The following PRKN variants were observed in gnomAD, a reference collection of about 807,000 sequenced individuals.
PRKN encodes the protein E3 ubiquitin-protein ligase parkin.
Under a neutral mutation model 59.5 loss-of-function variants are expected in PRKN, and 56 were observed. The observed-to-expected ratio is 0.94, with a 90% CI of 0.76 to 1.18. The LOEUF (loss-of-function observed/expected upper bound fraction) is 1.18, where lower values mean the gene tolerates loss of function less well. Ranked by LOEUF, PRKN falls within the 50% of genes most tolerant of loss-of-function variation. The pLI, the probability that PRKN is intolerant of heterozygous loss-of-function variation, is 0.00. For missense variants in PRKN, 657 were observed against 596.4 expected (o/e 1.10, Z -1.06); for synonymous variants, 250 against 222.1 (o/e 1.13, Z -1.12).
At chr6:161,422,197 C>CTTT (rs527857631) in intron 9 of PRKN, among the ~76,000 whole-genome samples, 11 of 130,072 alleles carry the variant, frequency 8.5e-5, no homozygotes, top group African/African-American at 1.5e-4. Context: ...CAAATAAAAT[C>CTTT]TTTTTTTTTT....
intron 6 of PRKN, among the ~76,000 whole-genome samples, chr6:161,968,699 TA>T (rs1174174243): frequency 2.0e-5 from 3 of 152,150 alleles, no homozygotes; most frequent in Non-Finnish European, 2.9e-5. Flanking sequence ...ATTATAAGAA[TA>T]AAAAATAGAT....
intron 4 of PRKN, among the ~76,000 whole-genome samples, chr6:162,085,776 C>T (rs1024360574): frequency 2.6e-5 from 4 of 152,104 alleles, no homozygotes; most frequent in Admixed American, 6.5e-5. Context: ...TCCCATCTTA[C>T]TGTTCTCACC....
At chr6:161,512,601 G>T (rs149696548) in intron 9 of PRKN, among the ~76,000 whole-genome samples, 32 of 152,208 alleles carry the variant, frequency 2.1e-4, no homozygotes, top group Non-Finnish European at 4.0e-4. Context: ...CTGGTGAATT[G>T]GTATACAAGG....
At chr6:162,639,995 A>G (rs1222084726) in intron 1 of PRKN, among the ~76,000 whole-genome samples, 1 of 152,100 alleles carries the variant, frequency 6.6e-6, no homozygotes, top group Non-Finnish European at 1.5e-5. Flanking sequence ...ACTCAGCCCA[A>G]GACGTTTTCT....
At chr6:162,231,554 G>C (rs1054818455) in intron 3 of PRKN, among the ~76,000 whole-genome samples, 2 of 152,198 alleles carry the variant, frequency 1.3e-5, no homozygotes, top group Non-Finnish European at 2.9e-5. Context: ...GAAAGACAGA[G>C]CAGACAGTAT....
chr6:162,434,472 A>C (rs1045449995), intron 2 of PRKN, among the ~76,000 whole-genome samples: 2 of 152,202 alleles, frequency 1.3e-5, no homozygotes, highest in South Asian at 2.1e-4. Flanking sequence ...TAAATTGTTT[A>C]TGATAATTTT....
chr6:161,619,525 A>C (rs2128150049), intron 7 of PRKN, among the ~76,000 whole-genome samples: 1 of 152,338 alleles, frequency 6.6e-6, no homozygotes, highest in Admixed American at 6.5e-5. Flanking sequence ...ACTTGGTATC[A>C]GTTTAAGCTC....
chr6:161,888,387 A>G (rs1795228067), intron 6 of PRKN, among the ~76,000 whole-genome samples: 1 of 152,152 alleles, frequency 6.6e-6, no homozygotes, highest in Non-Finnish European at 1.5e-5. Flanking sequence ...GTACAACCTC[A>G]ATGTTCTCAC....
chr6:161,729,557 C>T (rs770291637), intron 7 of PRKN, among the ~76,000 whole-genome samples: 6 of 152,162 alleles, frequency 3.9e-5, no homozygotes, highest in Non-Finnish European at 7.4e-5. Context: ...AAGGCAATTT[C>T]TCATTCCTTA....
intron 2 of PRKN, among the ~76,000 whole-genome samples, chr6:162,387,006 T>C (rs1261320886): frequency 6.6e-6 from 1 of 152,102 alleles, no homozygotes; most frequent in Non-Finnish European, 1.5e-5. Flanking sequence ...CAATTTAAAA[T>C]GGAAGTTAAT....
At chr6:162,560,345 C>T (rs1218382324) in intron 1 of PRKN, among the ~76,000 whole-genome samples, 2 of 152,100 alleles carry the variant, frequency 1.3e-5, no homozygotes, top group African/African-American at 2.4e-5. Flanking sequence ...TTCAAAAGAG[C>T]AGACATCAAT....
At chr6:161,796,135 G>A (rs1363134616) in intron 6 of PRKN, among the ~76,000 whole-genome samples, 2 of 152,084 alleles carry the variant, frequency 1.3e-5, no homozygotes, top group Admixed American at 1.3e-4. Context: ...ACAAAGCCAC[G>A]ATTACAAGAT....
chr6:161,573,797 A>ATAT lies in PRKN; in HGVS notation c.872-4382_872-4381insATA, dbSNP rs1554278446. 6.9e-4 allele frequency among the ~76,000 whole-genome samples: 47 copies of ATAT among 67,816 alleles called. 2 individuals are homozygous for ATAT. Among genetic ancestry groups the ATAT allele is most frequent in the Admixed American group, 3.1e-3 (20 of 6,458 alleles). The allele number at this position is 67,816 out of a possible 152,430, so 44.5% of individuals were successfully genotyped here. ...ATATATATATATATATATATATATAAAACTTCATTCAACCTTGGGTGTTTT... is the reference window on the plus strand; with the variant it reads ...ATATATATATATATATATATATATAATATAACTTCATTCAACCTTGGGTGTTTT... On this transcript the variant is annotated intron_variant, in intron 7 of 11. Transcript: ENST00000366898.
chr6:162,304,821 T>TGCC (rs57644243), intron 2 of PRKN, among the ~76,000 whole-genome samples: 38,696 of 141,598 alleles, frequency 0.27, 8,915 homozygotes, highest in East Asian at 0.57. Context: ...CAGCTGCTGC[T>TGCC]GCCAGATGTG....
At chr6:162,127,489 T>C (rs1781170980) in intron 4 of PRKN, among the ~76,000 whole-genome samples, 1 of 152,216 alleles carries the variant, frequency 6.6e-6, no homozygotes, top group African/African-American at 2.4e-5. Context: ...GCTATGTTTC[T>C]CTAGAAGTAG....
chr6:161,745,182 A>G (rs907096871), intron 7 of PRKN, among the ~76,000 whole-genome samples: 1 of 152,190 alleles, frequency 6.6e-6, no homozygotes, highest in African/African-American at 2.4e-5. Context: ...CCCTTAAAAG[A>G]GTTTCTGATC....
At chr6:162,380,623 G>A (rs768465563) in intron 2 of PRKN, among the ~76,000 whole-genome samples, 21 of 150,916 alleles carry the variant, frequency 1.4e-4, no homozygotes, top group Non-Finnish European at 1.8e-4. Context: ...GTAGTGGAAG[G>A]AGTTGTGGCT....
intron 9 of PRKN, among the ~76,000 whole-genome samples, chr6:161,434,037 A>G (rs932855676): frequency 6.6e-6 from 1 of 152,034 alleles, no homozygotes; most frequent in Non-Finnish European, 1.5e-5. Flanking sequence ...GTCAGTTTTT[A>G]TAACACTCCA....
chr6:162,210,706 T>C (rs2128073649), intron 3 of PRKN, among the ~76,000 whole-genome samples: 1 of 152,290 alleles, frequency 6.6e-6, no homozygotes, highest in African/African-American at 2.4e-5. Flanking sequence ...TTTCTGTGAA[T>C]CACTTTTTTA....
Sources: gnomAD v4.1 joint callset for allele counts (sites outside exome capture counted in the v4.1 genomes callset) on GRCh38, gnomAD v4.1.1 for gene constraint, MANE v1.5 for transcripts, NCBI Gene and HGNC (gene_info 2026-07-23, HGNC 2026-07-21) for gene names.